PCDH15: variants seen among roughly 807,000 people sequenced by gnomAD.
PCDH15 encodes protocadherin-15.
Under a neutral mutation model 178.5 loss-of-function variants are expected in PCDH15, and 129 were observed. The observed-to-expected ratio is 0.72, with a 90% CI of 0.63 to 0.84. The LOEUF is 0.84. PCDH15 is among the 40% of genes least tolerant of loss of function. The probability of loss-of-function intolerance (pLI) is 0.00; values close to 1 mark genes in which losing one functional copy is unlikely to be tolerated. For missense variants in PCDH15, 2,230 were observed against 2,099.9 expected (o/e 1.06, Z -1.21); for synonymous variants, 800 against 732.0 (o/e 1.09, Z -1.50).
Position 54,883,706 on chromosome 10 carries a change from C to A in PCDH15, c.-29+13744G>T, listed in dbSNP as rs540624987. On this transcript the variant is annotated intron_variant, in intron 3 of 5. Coordinates refer to the PCDH15 transcript ENST00000458638. ...ATAGAAATTCATTATTATTTACAAT[C>A]TGGAAAGGAAATGATTTTAAAATAC... Among the ~76,000 whole-genome samples, 12 of 151,950 alleles carry A rather than the reference C, an allele frequency of 7.9e-5. No homozygotes were observed. In the South Asian group the frequency reaches 2.5e-3, roughly 32 times the overall value.
At chr10:55,223,189 A>G (rs1840933663) in intron 1 of PCDH15, among the ~76,000 whole-genome samples, 1 of 152,102 alleles carries the variant, frequency 6.6e-6, no homozygotes, top group Non-Finnish European at 1.5e-5. Flanking sequence ...AAATAGCCAC[A>G]ACTGGCTAAT....
At chr10:54,787,814 A>C (rs1951032616) in intron 1 of PCDH15, among the ~76,000 whole-genome samples, 1 of 152,018 alleles carries the variant, frequency 6.6e-6, no homozygotes, top group Admixed American at 6.6e-5. Context: ...AAGTTCAGCG[A>C]AGCTTGTAGC....
At chr10:54,444,690 A>G (rs913548373) in intron 3 of PCDH15, among the ~76,000 whole-genome samples, 15 of 151,608 alleles carry the variant, frequency 9.9e-5, no homozygotes, top group African/African-American at 3.6e-4. Context: ...AATTACTTAT[A>G]GTTTTTCCTG....
chr10:54,965,292 T>G (rs1004281941), intron 2 of PCDH15, among the ~76,000 whole-genome samples: 2 of 152,094 alleles, frequency 1.3e-5, no homozygotes, highest in Non-Finnish European at 2.9e-5. Flanking sequence ...ACAAGTGTCA[T>G]GGGAAGGAAC....
chr10:53,933,744 G>A (rs897836414), intron 25 of PCDH15, among the ~76,000 whole-genome samples: 7 of 151,618 alleles, frequency 4.6e-5, no homozygotes, highest in African/African-American at 1.5e-4. Context: ...CTGAGGAATC[G>A]CCACACTGAC....
chr10:54,478,212 G>C (rs1371267663), intron 3 of PCDH15, among the ~76,000 whole-genome samples: 2 of 152,110 alleles, frequency 1.3e-5, no homozygotes, highest in African/African-American at 2.4e-5. Flanking sequence ...GAGGCTGCTA[G>C]TTGGCGCATT....
chr10:54,723,748 T>A (rs1376680627), intron 1 of PCDH15, among the ~76,000 whole-genome samples: 1 of 151,516 alleles, frequency 6.6e-6, no homozygotes, highest in African/African-American at 2.4e-5. Context: ...GGACATTTCT[T>A]AAAAGAAGAA....
At chr10:54,465,751 G>T (rs1382262757) in intron 3 of PCDH15, among the ~76,000 whole-genome samples, 1 of 151,900 alleles carries the variant, frequency 6.6e-6, no homozygotes. Flanking sequence ...CTTTTGAATA[G>T]ATATCTGTTA....
chr10:54,897,351 T>C (rs975770265), intron 3 of PCDH15: 4 of 152,150 alleles, frequency 2.6e-5, no homozygotes, highest in African/African-American at 9.7e-5. Flanking sequence ...AAATCAACAC[T>C]CTACTTATGA....
chr10:54,549,147 A>G (rs2086235055), intron 2 of PCDH15, among the ~76,000 whole-genome samples: 1 of 150,820 alleles, frequency 6.6e-6, no homozygotes, highest in Admixed American at 6.6e-5. Context: ...GGCTTTGTTA[A>G]GTCTGCATTA....
At chr10:55,104,196 ATT>A (rs34411241) in intron 2 of PCDH15, among the ~76,000 whole-genome samples, 13,233 of 149,016 alleles carry the variant, frequency 0.089, 1,780 homozygotes, top group African/African-American at 0.29. Flanking sequence ...CCTTTGTAGC[ATT>A]TTTTTTTTCA....
At chr10:53,964,375 AATTT>A (rs1414005299) in intron 21 of PCDH15, among the ~76,000 whole-genome samples, 1 of 148,634 alleles carries the variant, frequency 6.7e-6, no homozygotes, top group African/African-American at 2.4e-5. Flanking sequence ...TTTATAAAAA[AATTT>A]ATTTATAAAT....
intron 13 of PCDH15, among the ~76,000 whole-genome samples, chr10:54,153,610 T>C (rs12245087): frequency 0.016 from 2,378 of 152,282 alleles, 77 homozygotes; most frequent in African/African-American, 0.055. Context: ...GAAAATCTAA[T>C]ATCCCTATAG....
At chr10:54,386,946 A>G (rs1950004606) in intron 3 of PCDH15, among the ~76,000 whole-genome samples, 1 of 152,172 alleles carries the variant, frequency 6.6e-6, no homozygotes, top group East Asian at 1.9e-4. Flanking sequence ...CAGTAACTAT[A>G]GTTAATAACA....
At chr10:55,165,306 A>C (rs1839167083) in intron 2 of PCDH15, among the ~76,000 whole-genome samples, 1 of 151,998 alleles carries the variant, frequency 6.6e-6, no homozygotes, top group Non-Finnish European at 1.5e-5. Flanking sequence ...ATGAGGAATA[A>C]AATTATGGTT....
intron 2 of PCDH15, among the ~76,000 whole-genome samples, chr10:55,021,140 G>A (rs561442057): frequency 6.6e-6 from 1 of 152,300 alleles, no homozygotes; most frequent in Admixed American, 6.5e-5. Context: ...ATTGAGATTT[G>A]TCTAGGTCAT....
At chr10:55,371,046 T>C (rs1565068247) in intron 2 of PCDH15, among the ~76,000 whole-genome samples, 3 of 152,166 alleles carry the variant, frequency 2.0e-5, no homozygotes, top group Non-Finnish European at 4.4e-5. Flanking sequence ...TGAGTTTCTA[T>C]TGTTTTGTTG....
intron 2 of PCDH15, among the ~76,000 whole-genome samples, chr10:55,516,896 C>T (rs776185262): frequency 1.3e-5 from 2 of 151,902 alleles, no homozygotes; most frequent in South Asian, 2.1e-4. Flanking sequence ...AATTTTATAT[C>T]AGCTAATGGA....
chr10:54,474,183 A>G (rs2078112019), intron 3 of PCDH15, among the ~76,000 whole-genome samples: 1 of 151,942 alleles, frequency 6.6e-6, no homozygotes, highest in Admixed American at 6.6e-5. Context: ...TGAATCCATC[A>G]CAATAGTATC....
Sources: allele counts gnomAD v4.1 joint callset (sites outside exome capture counted in the v4.1 genomes callset), GRCh38; gene constraint gnomAD v4.1.1; transcripts MANE v1.5; gene names NCBI Gene and HGNC (gene_info 2026-07-23, HGNC 2026-07-21).